The following TMEM117 variants were observed in gnomAD, a reference collection of about 807,000 sequenced individuals.
TMEM117 encodes the protein transmembrane protein 117.
TMEM117 carries 27 observed loss-of-function variants against 52.4 expected under a neutral mutation model. The ratio of observed to expected loss-of-function variants is 0.51; its 90% confidence interval spans 0.38 to 0.71. The LOEUF (loss-of-function observed/expected upper bound fraction) is 0.71. Among genes scored for constraint, TMEM117 ranks in the 30% least tolerant of loss-of-function variants. The pLI, the probability that TMEM117 is intolerant of heterozygous loss-of-function variation, is 0.00. For synonymous variants in TMEM117, 215 were observed against 206.3 expected (o/e 1.04, Z -0.36); for missense variants, 556 against 630.5 (o/e 0.88, Z 1.26).
chr12:44,278,304 C>A (rs1369409558), intron 5 of TMEM117, among the ~76,000 whole-genome samples: 1 of 152,126 alleles, frequency 6.6e-6, no homozygotes, highest in Non-Finnish European at 1.5e-5. Flanking sequence ...GTTTTGCCTA[C>A]TAAAAAGTAC....
chr12:44,288,120 A>G (rs1950659526), intron 5 of TMEM117, among the ~76,000 whole-genome samples: 2 of 152,164 alleles, frequency 1.3e-5, no homozygotes, highest in African/African-American at 2.4e-5. Context: ...AAGTCTATCA[A>G]TTTTACAAGA....
At chr12:43,890,430 T>G (rs1944081579) in intron 2 of TMEM117, among the ~76,000 whole-genome samples, 2 of 152,218 alleles carry the variant, frequency 1.3e-5, no homozygotes, top group Non-Finnish European at 2.9e-5. Context: ...GTCCTGTCAT[T>G]CTAGATGGGT....
intron 2 of TMEM117, among the ~76,000 whole-genome samples, chr12:43,913,920 A>T (rs1310534524): frequency 6.6e-6 from 1 of 152,326 alleles, no homozygotes; most frequent in East Asian, 1.9e-4. Context: ...GTAGGACAAA[A>T]GTTCTCATGG....
chr12:43,915,495 C>T (rs1944586134), intron 2 of TMEM117, among the ~76,000 whole-genome samples: 1 of 152,298 alleles, frequency 6.6e-6, no homozygotes. Context: ...TTTCAAATAT[C>T]AGTGCTTCTT....
intron 4 of TMEM117, among the ~76,000 whole-genome samples, chr12:44,178,960 A>T (rs1303297905): frequency 6.6e-6 from 1 of 152,082 alleles, no homozygotes; most frequent in African/African-American, 2.4e-5. Flanking sequence ...TTGGAAGGCC[A>T]AGGCGGGCGG....
rs538315482 is a variant in TMEM117, at chr12:44,205,744, A to T, written c.511-5546A>T. On this transcript the variant is annotated intron_variant, in intron 4 of 7. Coordinates refer to ENST00000266534, the MANE Select transcript of TMEM117 (RefSeq NM_032256.3). ...TCTCACACTAGTTAGAATGGCTATT[A>T]AAAAGAAAAAAAATGACAGATGCCA... is the stretch of plus-strand genomic sequence containing the variant. 9.8e-5 allele frequency among the ~76,000 whole-genome samples: 15 copies of T among 152,334 alleles called. No homozygotes were observed. In the South Asian group the frequency reaches 2.7e-3, roughly 27 times the overall value.
At chr12:44,168,853 A>G (rs894279452) in intron 4 of TMEM117, among the ~76,000 whole-genome samples, 3 of 152,116 alleles carry the variant, frequency 2.0e-5, no homozygotes, top group African/African-American at 7.2e-5. Context: ...CATAACAATA[A>G]TTCCTCTTTT....
chr12:44,010,744 A>C (rs1364996978), intron 3 of TMEM117, among the ~76,000 whole-genome samples: 1 of 152,102 alleles, frequency 6.6e-6, no homozygotes, highest in African/African-American at 2.4e-5. Flanking sequence ...ACACTGTACC[A>C]CTTGATGGGT....
chr12:44,300,640 A>AT (rs200946090), intron 6 of TMEM117, among the ~76,000 whole-genome samples: 9 of 151,062 alleles, frequency 6.0e-5, no homozygotes, highest in South Asian at 2.1e-4. Flanking sequence ...TTATTTATTG[A>AT]TTTTTTTTAA....
intron 6 of TMEM117, among the ~76,000 whole-genome samples, chr12:44,336,687 C>G (rs1252714000): frequency 6.6e-6 from 1 of 151,496 alleles, no homozygotes; most frequent in African/African-American, 2.4e-5. Flanking sequence ...GCATTTAAAG[C>G]CTGTTTTAAA....
intron 3 of TMEM117, among the ~76,000 whole-genome samples, chr12:44,116,217 C>G (rs1948140161): frequency 6.6e-6 from 1 of 152,082 alleles, no homozygotes; most frequent in African/African-American, 2.4e-5. Flanking sequence ...TTCTTGTATT[C>G]TTTGTTATAT....
intron 3 of TMEM117, among the ~76,000 whole-genome samples, chr12:44,093,372 A>AT (rs1312738631): frequency 2.0e-5 from 3 of 152,062 alleles, no homozygotes; most frequent in Non-Finnish European, 2.9e-5. Context: ...TAATTGTATG[A>AT]TTTTTTAAGT....
chr12:43,882,849 G>A (rs957914678), intron 2 of TMEM117, among the ~76,000 whole-genome samples: 2 of 152,120 alleles, frequency 1.3e-5, no homozygotes, highest in Admixed American at 1.3e-4. Context: ...TTCATTTCAG[G>A]TGTTTGGAGG....
At chr12:43,897,168 AT>A in intron 2 of TMEM117, among the ~76,000 whole-genome samples, 1 of 152,122 alleles carries the variant, frequency 6.6e-6, no homozygotes, top group South Asian at 2.1e-4. Flanking sequence ...CTCAGTCTAC[AT>A]TTTCCTCAGT....
intron 5 of TMEM117, among the ~76,000 whole-genome samples, chr12:44,212,629 T>C (rs1216658480): frequency 2.0e-5 from 3 of 152,158 alleles, no homozygotes; most frequent in Non-Finnish European, 2.9e-5. Flanking sequence ...GGTTTAATAC[T>C]ATCCAGGACT....
rs2138200387 is a variant in TMEM117 at position 44,143,542 on chromosome 12, A to G, written c.428A>G (p.Asp143Gly). 1.2e-6 allele frequency: 2 copies of G among 1,613,210 alleles called. No individual in the cohort carries two copies. The highest frequency in any genetic ancestry group is 1.1e-5 in the South Asian group (1 of 91,028). ...TTCCACAGAGCATATATCATTACAG[A>G]CTATATGGGCATCCGAAATGAAAGT... ...DGNMGAYIIT[D>G]YMGIRNESFM... Residue 143 changes from aspartate to glycine, a missense_variant, in exon 4 of 8, where the codon GAC becomes GGC. By Grantham distance (94) the Asp-to-Gly change is moderately conservative (BLOSUM62 -1). Coordinates refer to ENST00000266534, the MANE Select transcript of TMEM117 (RefSeq NM_032256.3).
At chr12:44,105,585 G>C (rs1268881431) in intron 3 of TMEM117, among the ~76,000 whole-genome samples, 1 of 151,984 alleles carries the variant, frequency 6.6e-6, no homozygotes, top group South Asian at 2.1e-4. Context: ...TGGTAGTAAG[G>C]TGTGGGAAGA....
intron 2 of TMEM117, among the ~76,000 whole-genome samples, chr12:43,855,558 A>G (rs1029550955): frequency 1.3e-5 from 2 of 152,224 alleles, no homozygotes; most frequent in Non-Finnish European, 2.9e-5. Flanking sequence ...TATTATGCAA[A>G]TCATTAAGGG....
At chr12:44,089,712 T>C (rs1052524408) in intron 3 of TMEM117, among the ~76,000 whole-genome samples, 2 of 152,190 alleles carry the variant, frequency 1.3e-5, no homozygotes, top group African/African-American at 4.8e-5. Flanking sequence ...TCTTTCCCAG[T>C]CTAGTGAATA....
Sources: allele counts gnomAD v4.1 joint callset (sites outside exome capture counted in the v4.1 genomes callset), GRCh38; gene constraint gnomAD v4.1.1; transcripts MANE v1.5; gene names NCBI Gene and HGNC (gene_info 2026-07-23, HGNC 2026-07-21).